Variants in APP observed in about 807,000 individuals in gnomAD.
The protein encoded by APP is amyloid-beta precursor protein.
In APP, 31 loss-of-function variants were observed where a neutral mutation model predicts 101.4. That is an observed-to-expected ratio of 0.31 (90% CI 0.23 to 0.41). The LOEUF (loss-of-function observed/expected upper bound fraction) is 0.41, where lower values mean the gene tolerates loss of function less well. APP is among the 10% of genes least tolerant of loss of function. The pLI, the probability that APP is intolerant of heterozygous loss-of-function variation, is 1.00. For missense variants in APP, 839 were observed against 1,003.7 expected (o/e 0.84, Z 2.22); for synonymous variants, 366 against 364.4 (o/e 1.00, Z -0.05).
At chr21:25,989,557 G>A (rs1215081981) in intron 8 of APP, among the ~76,000 whole-genome samples, 1 of 152,134 alleles carries the variant, frequency 6.6e-6, no homozygotes, top group Non-Finnish European at 1.5e-5. Flanking sequence ...AAGGCTGAAT[G>A]TTTCCCTAAA....
chr21:26,056,534 AC>A (rs2046048210), intron 3 of APP, among the ~76,000 whole-genome samples: 1 of 152,136 alleles, frequency 6.6e-6, no homozygotes, highest in South Asian at 2.1e-4. Context: ...CTACTTGTGG[AC>A]CAAGTCTGCC....
intron 11 of APP, among the ~76,000 whole-genome samples, chr21:25,965,689 T>G (rs2041769686): frequency 6.6e-6 from 1 of 152,230 alleles, no homozygotes; most frequent in Non-Finnish European, 1.5e-5. Flanking sequence ...TGTGTTTGCG[T>G]GTGTATGCGT....
At chr21:25,959,708 A>T (rs1432777166) in intron 11 of APP, among the ~76,000 whole-genome samples, 1 of 152,154 alleles carries the variant, frequency 6.6e-6, no homozygotes, top group African/African-American at 2.4e-5. Flanking sequence ...GTGTGGGGAG[A>T]AGAAAGAGCA....
At chr21:26,151,107 G>A (rs146633233) in intron 1 of APP, among the ~76,000 whole-genome samples, 130 of 152,262 alleles carry the variant, frequency 8.5e-4, no homozygotes, top group African/African-American at 3.0e-3. Context: ...GATAAATACC[G>A]TCTCTTTTCT....
Position 25,924,382 on chromosome 21 carries a change from A to T in APP, c.1688-12420T>A, listed in dbSNP as rs868717663. Among the ~76,000 whole-genome samples the T allele has an allele frequency of 3.2e-3, 299 of 93,806 alleles. 4 individuals are homozygous for T. Among genetic ancestry groups the T allele is most frequent in the African/African-American group, 0.014 (283 of 19,886 alleles). The allele number at this position is 93,806 out of a possible 152,430, so 61.5% of individuals were successfully genotyped here. A position where few individuals can be genotyped will look rare whatever the true frequency, so the allele number is the denominator to read the frequency against. On this transcript the variant is annotated intron_variant, in intron 13 of 17. Coordinates refer to ENST00000346798, the MANE Select transcript of APP (RefSeq NM_000484.4). ...TACCCTAAAACTTAAAGTATAATAAAAAAAAAAAAAGATTTGAATTTGCAA... is the reference window on the plus strand; with the variant it reads ...TACCCTAAAACTTAAAGTATAATAATAAAAAAAAAAGATTTGAATTTGCAA...
chr21:26,151,753 C>T (rs1367928395), intron 1 of APP, among the ~76,000 whole-genome samples: 2 of 152,156 alleles, frequency 1.3e-5, no homozygotes, highest in African/African-American at 4.8e-5. Flanking sequence ...TGACAAGAGG[C>T]AGGGCTCAGG....
intron 1 of APP, among the ~76,000 whole-genome samples, chr21:26,131,634 A>G (rs2062799200): frequency 6.6e-6 from 1 of 152,260 alleles, no homozygotes; most frequent in African/African-American, 2.4e-5. Flanking sequence ...AGAAATGTCC[A>G]GTCATAAGAA....
intron 6 of APP, among the ~76,000 whole-genome samples, chr21:26,015,841 G>A (rs1341505000): frequency 6.6e-6 from 1 of 152,158 alleles, no homozygotes; most frequent in Non-Finnish European, 1.5e-5. Flanking sequence ...CAGTTTTGCA[G>A]GCAACACAAT....
chr21:26,083,826 G>A (rs1158087337), intron 3 of APP, among the ~76,000 whole-genome samples: 2 of 152,066 alleles, frequency 1.3e-5, no homozygotes, highest in Non-Finnish European at 2.9e-5. Context: ...AAAAGTTATC[G>A]TTTCTTTTTA....
intron 1 of APP, among the ~76,000 whole-genome samples, chr21:26,159,791 T>C (rs904293247): frequency 9.9e-5 from 15 of 152,270 alleles, no homozygotes; most frequent in African/African-American, 3.6e-4. Flanking sequence ...TAAGAAATAC[T>C]CTCAATAAAC....
At chr21:25,952,187 T>TACACACACACACACACACAC (rs1324301529) in intron 13 of APP, among the ~76,000 whole-genome samples, 2 of 111,094 alleles carry the variant, frequency 1.8e-5, no homozygotes, top group African/African-American at 5.8e-5. Flanking sequence ...GCATATTACA[T>TACACACACACACACACACAC]ACATACACAC....
chr21:26,151,348 CA>C (rs1231587779), intron 1 of APP, among the ~76,000 whole-genome samples: 1 of 152,168 alleles, frequency 6.6e-6, no homozygotes, highest in African/African-American at 2.4e-5. Flanking sequence ...ATTTGCCTGT[CA>C]AATGCAACAA....
chr21:25,969,434 A>T (rs1489958881), intron 11 of APP, among the ~76,000 whole-genome samples: 1 of 151,898 alleles, frequency 6.6e-6, no homozygotes, highest in African/African-American at 2.4e-5. Flanking sequence ...AGGTCAAGCC[A>T]TACAACATTA....
intron 1 of APP, among the ~76,000 whole-genome samples, chr21:26,157,218 C>G (rs935258838): frequency 2.6e-5 from 4 of 152,212 alleles, no homozygotes; most frequent in African/African-American, 7.2e-5. Flanking sequence ...TACAGGCATG[C>G]ACCACCACGC....
chr21:26,165,808 T>C (rs2063595166), intron 1 of APP, among the ~76,000 whole-genome samples: 1 of 152,234 alleles, frequency 6.6e-6, no homozygotes, highest in Non-Finnish European at 1.5e-5. Flanking sequence ...GCAGATTTAA[T>C]ACATGTGAAC....
chr21:26,107,053 G>A (rs1175355819), intron 2 of APP, among the ~76,000 whole-genome samples: 2 of 152,110 alleles, frequency 1.3e-5, no homozygotes, highest in African/African-American at 4.8e-5. Flanking sequence ...TGAGGGTGGC[G>A]GGGAAAGGAT....
At chr21:26,049,194 G>A (rs73183033) in intron 5 of APP, among the ~76,000 whole-genome samples, 23,469 of 152,086 alleles carry the variant, frequency 0.15, 2,104 homozygotes, top group South Asian at 0.22. Flanking sequence ...GGGGGAGAGG[G>A]AGACTGAAAA....
In APP at chr21:26,051,184, C is replaced by T. The variant is rs375376201; in HGVS notation, c.478G>A (p.Glu160Lys). Reference sequence around the variant, plus strand: ...TAGTCATGCAAGTTGGTACTCTTCTCACTGCATGTCTACAAAGTGTAAGGA... The same window carrying T: ...TAGTCATGCAAGTTGGTACTCTTCTTACTGCATGTCTACAAAGTGTAAGGA... ...WHTVAKETCS[E>K]KSTNLHDYGM... Residue 160 changes from glutamate (E) to lysine (K), a missense_variant, in exon 5 of 18, where the codon GAG becomes AAG. Physicochemically the swap from Glu to Lys is moderately conservative, Grantham distance 56. Coordinates refer to ENST00000346798, the MANE Select transcript of APP (RefSeq NM_000484.4). The T allele has an allele frequency of 5.6e-6, 9 of 1,613,492 alleles. No homozygotes were observed. The African/African-American group carries it at 9.3e-5, about 17-fold the overall frequency.
intron 3 of APP, among the ~76,000 whole-genome samples, chr21:26,053,897 C>T (rs1025698100): frequency 2.0e-5 from 3 of 152,110 alleles, no homozygotes; most frequent in South Asian, 2.1e-4. Context: ...TGAAAACTGT[C>T]CCTCAGACTT....
Sources: gnomAD v4.1 joint callset for allele counts (sites outside exome capture counted in the v4.1 genomes callset) on GRCh38, gnomAD v4.1.1 for gene constraint, MANE v1.5 for transcripts, NCBI Gene and HGNC (gene_info 2026-07-23, HGNC 2026-07-21) for gene names.